The following ZFYVE26 variants were observed in gnomAD, a reference collection of about 807,000 sequenced individuals.
ZFYVE26 encodes zinc finger FYVE-type containing 26, also known as zinc finger FYVE domain-containing protein 26.
In ZFYVE26, 181 loss-of-function variants were observed where a neutral mutation model predicts 276.5. The ratio of observed to expected loss-of-function variants is 0.65; its 90% CI spans 0.58 to 0.74. The LOEUF is 0.74. Among genes scored for constraint, ZFYVE26 ranks in the 30% least tolerant of loss-of-function variants. The pLI is 0.00. For missense variants in ZFYVE26, 2,821 were observed against 3,097.9 expected (o/e 0.91, Z 2.12); for synonymous variants, 1,129 against 1,203.1 (o/e 0.94, Z 1.27).
At chr14:67,790,977 A>G (rs2039799326) in intron 14 of ZFYVE26, among the ~76,000 whole-genome samples, 1 of 152,262 alleles carries the variant, frequency 6.6e-6, no homozygotes, top group Admixed American at 6.5e-5. Context: ...AAGCCTCAGT[A>G]GAAAATAGGC....
At chr14:67,758,582 T>G (rs2038847812) in intron 35 of ZFYVE26, among the ~76,000 whole-genome samples, 1 of 152,148 alleles carries the variant, frequency 6.6e-6, no homozygotes. Context: ...CTGTGAATGC[T>G]CAACAGAGAG....
intron 25 of ZFYVE26, among the ~76,000 whole-genome samples, chr14:67,776,518 C>T (rs1420760937): frequency 6.6e-6 from 1 of 152,196 alleles, no homozygotes; most frequent in Non-Finnish European, 1.5e-5. Flanking sequence ...CAGGTGGTAG[C>T]CTGCTCACGC....
In ZFYVE26 at chr14:67,785,227, C is replaced by G. The variant is rs765059644; in HGVS notation, c.3355G>C (p.Ala1119Pro). Residue 1119 changes from alanine (A) to proline (P), a missense_variant, in exon 19 of 42, where the codon GCT becomes CCT. Transcript: ENST00000347230. The stretch of plus-strand genomic sequence containing the variant: ...ACAGGGTGGGCCTCTGCCTCTGGAG[C>G]TTTCTGGGCTGCCTGCTCCACCAGG... The part of the protein sequence containing the change: ...SSLVEQAAQK[A>P]PEAEAHPVQI... 1 of 1,613,626 alleles carries G rather than the reference C, an allele frequency of 6.2e-7. No individual in the cohort carries two copies. Among genetic ancestry groups the G allele is most frequent in the South Asian group, 1.1e-5 (1 of 91,052 alleles).
At chr14:67,788,823 T>C (rs2039731044) in intron 16 of ZFYVE26, among the ~76,000 whole-genome samples, 1 of 152,188 alleles carries the variant, frequency 6.6e-6, no homozygotes, top group African/African-American at 2.4e-5. Flanking sequence ...TTGGTGCAAG[T>C]AGCAAGGACA....
At chr14:67,795,937 T>TA (rs1015211011) in intron 12 of ZFYVE26, among the ~76,000 whole-genome samples, 26 of 151,896 alleles carry the variant, frequency 1.7e-4, no homozygotes, top group Admixed American at 4.6e-4. Context: ...AATCTCAAAC[T>TA]AAAAAAAATA....
At chr14:67,734,769 G>A (rs2038331485) in intron 13 of ZFYVE26, among the ~76,000 whole-genome samples, 1 of 152,194 alleles carries the variant, frequency 6.6e-6, no homozygotes, top group African/African-American at 2.4e-5. Context: ...AGTGCTGACG[G>A]AGACACTCTT....
chr14:67,763,631 G>A lies in ZFYVE26; in HGVS notation c.6012-812C>T, dbSNP rs188362718. On this transcript the variant is annotated intron_variant, in intron 32 of 41. Transcript: ENST00000347230. ...CACTCTATGGTGTTTGCACAATGAC[G>A]AAATCACCTGACAATGCATTTCTCA... Among the ~76,000 whole-genome samples the A allele has an allele frequency of 6.6e-5, 10 of 152,280 alleles. No homozygotes were observed. The East Asian group carries it at 1.2e-3, about 18-fold the overall frequency.
intron 16 of ZFYVE26, among the ~76,000 whole-genome samples, chr14:67,787,705 G>A (rs2039693781): frequency 6.6e-6 from 1 of 152,172 alleles, no homozygotes; most frequent in Non-Finnish European, 1.5e-5. Context: ...TTAGATGAGG[G>A]GAAGAGCAGA....
downstream of ZFYVE26, among the ~76,000 whole-genome samples, chr14:67,744,614 C>G (rs1423453532): frequency 6.6e-6 from 1 of 152,088 alleles, no homozygotes; most frequent in Admixed American, 6.5e-5. Context: ...CTCCCTGTCT[C>G]CATGTGTTAT....
At chr14:67,750,819 C>T (rs1427031681) in intron 41 of ZFYVE26, 3 of 613,190 alleles carry the variant, frequency 4.9e-6, no homozygotes, top group Admixed American at 4.7e-5. Context: ...ACATGTTTGT[C>T]TTGGGGATAA....
chr14:67,776,119 T>A lies in ZFYVE26; in HGVS notation c.4975-13A>T. Reference sequence around the variant, plus strand: ...GGGTCAGCAGAATCTGTTTGTGGGGTAGATCCATAGAGTAAAGAAAATAGT... The same window carrying A: ...GGGTCAGCAGAATCTGTTTGTGGGGAAGATCCATAGAGTAAAGAAAATAGT... On this transcript the variant is annotated splice_polypyrimidine_tract_variant and intron_variant, in intron 25 of 41. Coordinates refer to ENST00000347230, the MANE Select transcript of ZFYVE26 (RefSeq NM_015346.4). 6.2e-7 allele frequency: 1 copy of A among 1,613,874 alleles called. No individual in the cohort carries two copies. Among genetic ancestry groups the A allele is most frequent in the Non-Finnish European group, 8.5e-7 (1 of 1,179,920 alleles).
At chr14:67,805,712 C>G in intron 6 of ZFYVE26, 94 bp from the exon 7 acceptor site, 1 of 1,418,624 alleles carries the variant, frequency 7.0e-7, no homozygotes, top group East Asian at 2.3e-5. Context: ...TATTTTAGTA[C>G]AGCAGGGAGA....
At position 67,755,997 on chromosome 14, in the gene ZFYVE26, T is replaced by C; in HGVS notation, c.6737A>G (p.Gln2246Arg). 3 of 1,614,270 alleles carry C rather than the reference T, an allele frequency of 1.9e-6. 1 individual carries two copies. The South Asian group carries it at 3.3e-5, about 18-fold the overall frequency. Residue 2246 changes from glutamine (Q) to arginine (R), a missense_variant, in exon 36 of 42, where the codon CAG becomes CGG. By Grantham distance (43) the Gln-to-Arg change is conservative. Transcript: ENST00000347230. ...CAGAATGTGGTAGTAGTTCTTCTTC[T>C]GTAAATGTTGGCAGGCAGCAATCAA... ...KYLIAACQHLQKKNYYHILYE... is the reference protein window; with the variant it reads ...KYLIAACQHLRKKNYYHILYE...
At position 67,758,048 on chromosome 14, in the gene ZFYVE26, G is replaced by A. The variant is rs8010072; in HGVS notation, c.6589-1903C>T. Among the ~76,000 whole-genome samples, 832 of 152,200 alleles carry A rather than the reference G, an allele frequency of 5.5e-3. 6 individuals carry two copies. The highest frequency in any genetic ancestry group is 6.8e-3 in the Middle Eastern group (2 of 294). ...GTTTTTTTACTACTGTATCCTTAGT[G>A]CCCAGAATAGTCCTTGGCTATTTAA... On this transcript the variant is annotated intron_variant, in intron 35 of 41. Transcript: ENST00000347230.
At chr14:67,799,655 G>T in intron 10 of ZFYVE26, 1 of 1,291,782 alleles carries the variant, frequency 7.7e-7, no homozygotes, top group South Asian at 1.2e-5. Flanking sequence ...TTGATGCCAT[G>T]GTAGGCAAGG....
At chr14:67,793,887 T>G in intron 13 of ZFYVE26, 128 bp from the exon 14 acceptor site, 1 of 1,336,106 alleles carries the variant, frequency 7.5e-7, no homozygotes, top group South Asian at 1.2e-5. Flanking sequence ...TAAATAGGTC[T>G]TAATTTTTCC....
chr14:67,786,247 A>C lies in ZFYVE26; in HGVS notation c.3020-14T>G. On this transcript the variant is annotated splice_polypyrimidine_tract_variant and intron_variant, in intron 16 of 41. Coordinates refer to ENST00000347230, the MANE Select transcript of ZFYVE26 (RefSeq NM_015346.4). ...CTATCCGTCGACCTGGAAATAGATG[A>C]AGGAAGAGGGAATGCAAAAAAAAAA... 1 of 1,428,528 alleles carries C rather than the reference A, an allele frequency of 7.0e-7. No homozygotes were observed. The highest frequency in any genetic ancestry group is 9.6e-7 in the Non-Finnish European group (1 of 1,041,322). 88.5% of individuals were successfully genotyped at this position (1,428,528 alleles called of 1,614,324 possible).
intron 24 of ZFYVE26, 120 bp from the exon 25 acceptor site, chr14:67,777,855 C>T: frequency 2.3e-6 from 3 of 1,320,036 alleles, no homozygotes; most frequent in South Asian, 2.5e-5. Context: ...TTTCTCTATA[C>T]TCCTTTTTTT....
At position 67,798,312 on chromosome 14, in the gene ZFYVE26, C is replaced by A; in HGVS notation, c.1950G>T (p.Lys650Asn). The change falls in exon 11 of 42, where the codon AAG becomes AAT. Residue 650 changes from lysine to asparagine, a missense_variant. By Grantham distance (94) the Lys-to-Asn change is moderately conservative (BLOSUM62 0). Transcript: ENST00000347230. ...CTGGGTAACTGTCTTTTGGCTCTGC[C>A]TTCACATGGCTTGGCATTGTATAAG... ...TLAYTMPSHV[K>N]AEPKDSYPGP... 6.2e-7 allele frequency: 1 copy of A among 1,613,800 alleles called. No individual in the cohort carries two copies. Among genetic ancestry groups the A allele is most frequent in the Non-Finnish European group, 8.5e-7 (1 of 1,179,854 alleles).
Sources: allele counts gnomAD v4.1 joint callset (sites outside exome capture counted in the v4.1 genomes callset), GRCh38; gene constraint gnomAD v4.1.1; transcripts MANE v1.5; gene names NCBI Gene and HGNC (gene_info 2026-07-23, HGNC 2026-07-21).